PHC3: variants seen among roughly 807,000 people sequenced by gnomAD.
PHC3 encodes the protein polyhomeotic-like protein 3.
PHC3 carries 13 observed loss-of-function variants against 107.4 expected under a neutral mutation model. The observed-to-expected ratio is 0.12, with a 90% CI of 0.08 to 0.19. PHC3 has a LOEUF of 0.19. PHC3 is among the 10% of genes least tolerant of loss of function. PHC3 has a pLI of 1.00. For synonymous variants in PHC3, 456 were observed against 427.4 expected (o/e 1.07, Z -0.83); for missense variants, 992 against 1,210.9 (o/e 0.82, Z 2.68).
intron 6 of PHC3, among the ~76,000 whole-genome samples, chr3:170,139,123 A>C (rs1020617701): frequency 1.3e-5 from 2 of 152,198 alleles, no homozygotes. Context: ...AGAATTACTA[A>C]ATGTATGTTT....
chr3:170,181,466 C>A (rs143514178), intron 1 of PHC3, among the ~76,000 whole-genome samples: 1,916 of 152,262 alleles, frequency 0.013, 46 homozygotes, highest in African/African-American at 0.044. Flanking sequence ...CAGGGCCGCG[C>A]AGATCCGGGA....
chr3:170,102,570 C>A lies in PHC3; in HGVS notation c.2742G>T (p.Met914Ile), dbSNP rs763272213. 2.5e-6 allele frequency: 4 copies of A among 1,613,922 alleles called. No homozygotes were observed. The highest frequency in any genetic ancestry group is 1.1e-5 in the South Asian group (1 of 91,086). ...CTGGTAGCAAGTCACTGTTCTCAGGCATTTTCCGAATTCTCACATCCCGAA... is the reference window on the plus strand; with the variant it reads ...CTGGTAGCAAGTCACTGTTCTCAGGAATTTTCCGAATTCTCACATCCCGAA... ...RELRDVRIRK[M>I]PENSDLLPVA... The change falls in exon 14 of 15, where the codon ATG becomes ATT. Residue 914 changes from methionine (M) to isoleucine (I), a missense_variant. By Grantham distance (10) the Met-to-Ile change is conservative. This residue lies in a region of PHC3 where 228 missense variants were observed against 288.8 expected (regional missense o/e 0.79). Coordinates refer to ENST00000495893, the MANE Select transcript of PHC3 (RefSeq NM_024947.4).
chr3:170,138,287 T>C (rs1171297384), intron 6 of PHC3, among the ~76,000 whole-genome samples: 1 of 152,200 alleles, frequency 6.6e-6, no homozygotes, highest in Non-Finnish European at 1.5e-5. Context: ...CTCAAAGAAT[T>C]TTCTAATTGA....
In PHC3 at chr3:170,128,660, G is replaced by A. The variant is rs139094558; in HGVS notation, c.1788+24C>T. 5,749 of 1,595,112 alleles carry A rather than the reference G, an allele frequency of 3.6e-3. 16 individuals are homozygous for A. The highest frequency in any genetic ancestry group is 5.0e-3 in the Admixed American group (280 of 55,694). ...TTTTTACTTTCAGTTCAGCAAGAAA[G>A]TCAAAGAGCTTCCAAGGGCTTACCA... On this transcript the variant is annotated intron_variant, in intron 8 of 14. Coordinates refer to ENST00000495893, the MANE Select transcript of PHC3 (RefSeq NM_024947.4).
intron 10 of PHC3, among the ~76,000 whole-genome samples, chr3:170,115,696 C>T (rs1718791618): frequency 1.3e-5 from 2 of 152,162 alleles, no homozygotes; most frequent in Non-Finnish European, 2.9e-5. Context: ...AATTTATGCA[C>T]ATTTAGTTCT....
In PHC3 at chr3:170,088,497, T is replaced by A. The variant is rs1713722783; in HGVS notation, c.*8733A>T. 6.6e-6 allele frequency: 1 copy of A among 152,188 alleles called. No individual in the cohort carries two copies. The highest frequency in any genetic ancestry group is 2.1e-4 in the South Asian group (1 of 4,832). 9.4% of individuals were successfully genotyped at this position (152,188 alleles called of 1,614,324 possible). ...TACTTTGAGGATAGTTTTTGGAACT[T>A]ATTTTGACTTTTTTCCCTATAGGAA... On this transcript the variant is annotated 3_prime_UTR_variant, in exon 15 of 15. Coordinates refer to ENST00000495893, the MANE Select transcript of PHC3 (RefSeq NM_024947.4).
chr3:170,131,206 C>T (rs562697405), intron 7 of PHC3, among the ~76,000 whole-genome samples: 2 of 149,264 alleles, frequency 1.3e-5, no homozygotes, highest in Non-Finnish European at 1.5e-5. Flanking sequence ...AGTATCTAGG[C>T]TAGTACTTCA....
intron 4 of PHC3, among the ~76,000 whole-genome samples, chr3:170,156,825 G>A (rs1179245927): frequency 6.6e-6 from 1 of 151,184 alleles, no homozygotes; most frequent in East Asian, 2.0e-4. Flanking sequence ...TTGAACTCCT[G>A]ACCTCGTGAT....
At position 170,149,487 on chromosome 3, in the gene PHC3, T is replaced by C. The variant is rs183893370; in HGVS notation, c.415-243A>G. The stretch of plus-strand genomic sequence containing the variant: ...TTTTTTTTTAAGATGGGAGTTTCGC[T>C]CTTGTTGCCCAGACTGGAGTGCAAG... On this transcript the variant is annotated intron_variant, in intron 4 of 14. Transcript: ENST00000495893. Among the ~76,000 whole-genome samples, 463 of 152,054 alleles carry C rather than the reference T, an allele frequency of 3.0e-3. 3 individuals are homozygous for C. The highest frequency in any genetic ancestry group is 4.7e-3 in the Non-Finnish European group (319 of 67,986).
chr3:170,177,490 C>T (rs1237708484), intron 2 of PHC3, among the ~76,000 whole-genome samples: 1 of 152,042 alleles, frequency 6.6e-6, no homozygotes, highest in East Asian at 1.9e-4. Context: ...CCTCAGCCTC[C>T]CAAGTAGCTG....
At chr3:170,168,234 GA>G (rs199844596) in intron 4 of PHC3, among the ~76,000 whole-genome samples, 1 of 150,436 alleles carries the variant, frequency 6.6e-6, no homozygotes, top group Admixed American at 6.6e-5. Context: ...CTTCCCTTTT[GA>G]AAAAAAAATT....
chr3:170,165,972 A>C (rs1044712933), intron 4 of PHC3, among the ~76,000 whole-genome samples: 2 of 150,398 alleles, frequency 1.3e-5, no homozygotes, highest in Admixed American at 6.6e-5. Context: ...GAGCATACCT[A>C]AAAGAAATTA....
At position 170,129,172 on chromosome 3, in the gene PHC3, G is replaced by A. The variant is rs752884184; in HGVS notation, c.1300C>T (p.Pro434Ser). The A allele has an allele frequency of 7.4e-6, 12 of 1,613,848 alleles. No individual in the cohort carries two copies. Among genetic ancestry groups the A allele is most frequent in the African/African-American group, 1.3e-5 (1 of 74,940 alleles). The stretch of plus-strand genomic sequence containing the variant: ...AGAGCTGATGACACAAGAGGGTGTG[G>A]CTGAATAAGTGCTTGTGGATGAATA... ...IIIHPQALIQPHPLVSSALQP... is the reference protein window; with the variant it reads ...IIIHPQALIQSHPLVSSALQP... The change falls in exon 8 of 15, where the codon CCA (proline) becomes TCA (serine). Residue 434 changes from proline (P) to serine (S), a missense_variant. By Grantham distance (74) the Pro-to-Ser change is moderately conservative. This residue lies in a region of PHC3 where 543 missense variants were observed against 590.8 expected (regional missense o/e 0.92). Coordinates refer to ENST00000495893, the MANE Select transcript of PHC3 (RefSeq NM_024947.4).
intron 4 of PHC3, among the ~76,000 whole-genome samples, chr3:170,161,853 G>T (rs1390693908): frequency 6.6e-6 from 1 of 152,124 alleles, no homozygotes; most frequent in Non-Finnish European, 1.5e-5. Flanking sequence ...AGTTCTATCA[G>T]ATCAGGGCTC....
chr3:170,103,070 G>C, intron 12 of PHC3, 136 bp from the exon 13 acceptor site: 1 of 887,960 alleles, frequency 1.1e-6, no homozygotes. Context: ...ACCTCATAAA[G>C]TAACTACACT....
chr3:170,130,039 T>C (rs562637875), intron 7 of PHC3, among the ~76,000 whole-genome samples: 105 of 152,254 alleles, frequency 6.9e-4, no homozygotes, highest in African/African-American at 2.4e-3. Context: ...AACTAGAAAA[T>C]ATCATAAAAT....
intron 11 of PHC3, 67 bp downstream of exon 11, chr3:170,113,293 C>A: frequency 2.1e-6 from 3 of 1,415,522 alleles, no homozygotes; most frequent in Non-Finnish European, 1.9e-6. Context: ...AATAAAAATC[C>A]ACATCCTGTT....
intron 4 of PHC3, among the ~76,000 whole-genome samples, chr3:170,162,267 T>G (rs988999215): frequency 6.6e-6 from 1 of 152,210 alleles, no homozygotes; most frequent in African/African-American, 2.4e-5. Context: ...TCATTAATCA[T>G]GAAACCTCCC....
At chr3:170,163,058 G>A (rs1481850078) in intron 4 of PHC3, among the ~76,000 whole-genome samples, 1 of 151,884 alleles carries the variant, frequency 6.6e-6, no homozygotes, top group Non-Finnish European at 1.5e-5. Flanking sequence ...CTTGTTTAAT[G>A]TTCGTCTATC....
Sources: gnomAD v4.1 joint callset for allele counts (sites outside exome capture counted in the v4.1 genomes callset) on GRCh38, gnomAD v4.1.1 for gene constraint, gnomAD v4.1.1 regional missense constraint, MANE v1.5 for transcripts, NCBI Gene and HGNC (gene_info 2026-07-23, HGNC 2026-07-21) for gene names.